ARHGAP22: variants seen among roughly 807,000 people sequenced by gnomAD.
The protein encoded by ARHGAP22 is rho GTPase-activating protein 22.
ARHGAP22 carries 48 observed loss-of-function variants against 59.1 expected under a neutral mutation model. The ratio of observed to expected loss-of-function variants is 0.81; its 90% CI spans 0.64 to 1.03. The LOEUF is 1.03. ARHGAP22 is among the 50% of genes least tolerant of loss of function. ARHGAP22 has a pLI of 0.00. For missense variants in ARHGAP22, 1,015 were observed against 958.7 expected, an observed-to-expected ratio of 1.06 and a Z score of -0.78; for synonymous variants, 445 against 416.4, an observed-to-expected ratio of 1.07 and a Z score of -0.84.
intron 1 of ARHGAP22, among the ~76,000 whole-genome samples, chr10:48,621,264 A>G (rs2061277090): frequency 6.6e-6 from 1 of 152,138 alleles, no homozygotes. Context: ...CCTTATTTTT[A>G]CATTTTTGCC....
intron 1 of ARHGAP22, among the ~76,000 whole-genome samples, chr10:48,601,960 T>G (rs2060410740): frequency 6.6e-6 from 1 of 152,304 alleles, no homozygotes; most frequent in African/African-American, 2.4e-5. Flanking sequence ...TCAGATAGTG[T>G]TGGGTTAGAG....
intron 1 of ARHGAP22, among the ~76,000 whole-genome samples, chr10:48,649,424 G>T (rs746291326): frequency 6.6e-6 from 1 of 152,222 alleles, no homozygotes. Flanking sequence ...CAGCGTGCAG[G>T]TCAGGGATTT....
intron 4 of ARHGAP22, among the ~76,000 whole-genome samples, chr10:48,463,400 C>T (rs192808906): frequency 4.2e-4 from 64 of 152,348 alleles, no homozygotes; most frequent in African/African-American, 1.4e-3. Context: ...TCTGCTAGGA[C>T]CTCAAATGAG....
At chr10:48,593,309 A>G (rs1005679320) in intron 1 of ARHGAP22, among the ~76,000 whole-genome samples, 3 of 152,244 alleles carry the variant, frequency 2.0e-5, no homozygotes, top group African/African-American at 7.2e-5. Context: ...GTTGCAGAAC[A>G]ATTTACAAAA....
At chr10:48,485,484 G>A (rs1414818497) in intron 3 of ARHGAP22, among the ~76,000 whole-genome samples, 1 of 152,138 alleles carries the variant, frequency 6.6e-6, no homozygotes, top group Non-Finnish European at 1.5e-5. Context: ...GTGGTTGGGT[G>A]GAGTGTCCTA....
chr10:48,498,812 C>T (rs1375482621), intron 3 of ARHGAP22, among the ~76,000 whole-genome samples: 1 of 152,156 alleles, frequency 6.6e-6, no homozygotes, highest in East Asian at 1.9e-4. Flanking sequence ...GATGGAATGA[C>T]AGGCAGCCAT....
chr10:48,588,756 C>A (rs1431285484), intron 1 of ARHGAP22, among the ~76,000 whole-genome samples: 6 of 152,210 alleles, frequency 3.9e-5, no homozygotes, highest in African/African-American at 1.4e-4. Flanking sequence ...CCTGTGGGGT[C>A]CCGCAGTCTG....
chr10:48,431,090 T>G, the ARHGAP22 span: 3 of 715,076 alleles, frequency 4.2e-6, no homozygotes. Context: ...GGACACTGTT[T>G]GAAGTACTTC....
At chr10:48,607,870 C>G (rs1425949976), upstream of ARHGAP22, among the ~76,000 whole-genome samples, 3 of 152,224 alleles carry the variant, frequency 2.0e-5, no homozygotes, top group Non-Finnish European at 2.9e-5. Context: ...ACTGAATGGA[C>G]AGAAGTCTCC....
At chr10:48,607,678 C>G (rs1394928516), upstream of ARHGAP22, among the ~76,000 whole-genome samples, 1 of 152,312 alleles carries the variant, frequency 6.6e-6, no homozygotes, top group East Asian at 1.9e-4. Context: ...ACACCCAGAC[C>G]AAGGAGTGGG....
chr10:48,488,581 A>G (rs1334467625), intron 3 of ARHGAP22, among the ~76,000 whole-genome samples: 1 of 152,232 alleles, frequency 6.6e-6, no homozygotes, highest in Non-Finnish European at 1.5e-5. Flanking sequence ...GTGGAACCAG[A>G]GTACTCAGTA....
chr10:48,482,481 A>G (rs2049421922), intron 3 of ARHGAP22, among the ~76,000 whole-genome samples: 8 of 152,210 alleles, frequency 5.3e-5, no homozygotes, highest in Admixed American at 5.2e-4. Context: ...CAGAGCCTCA[A>G]ATACCATGTT....
chr10:48,587,690 T>C (rs1431606631), intron 1 of ARHGAP22, among the ~76,000 whole-genome samples: 1 of 152,212 alleles, frequency 6.6e-6, no homozygotes, highest in South Asian at 2.1e-4. Context: ...TTGGGGTCTT[T>C]AGTGGGGACT....
intron 1 of ARHGAP22, among the ~76,000 whole-genome samples, chr10:48,631,386 C>T (rs748687888): frequency 5.9e-5 from 9 of 152,142 alleles, no homozygotes; most frequent in Non-Finnish European, 1.3e-4. Context: ...TATCTAATTT[C>T]TTCCTTAAGT....
chr10:48,556,306 G>T (rs2135334090), intron 2 of ARHGAP22, among the ~76,000 whole-genome samples: 1 of 152,310 alleles, frequency 6.6e-6, no homozygotes, highest in Non-Finnish European at 1.5e-5. Context: ...GGAGGGTCGA[G>T]ATGCCAGATT....
intron 2 of ARHGAP22, chr10:48,575,447 G>T (rs1306916965): frequency 6.6e-6 from 1 of 152,200 alleles, no homozygotes; most frequent in Non-Finnish European, 1.5e-5. Flanking sequence ...TATGGGATAG[G>T]ATGGCCTCTC....
At chr10:48,599,722 C>T (rs1426412810) in intron 1 of ARHGAP22, among the ~76,000 whole-genome samples, 1 of 152,226 alleles carries the variant, frequency 6.6e-6, no homozygotes, top group African/African-American at 2.4e-5. Context: ...AGTTCCCCCT[C>T]CCCTTTCCCA....
chr10:48,636,518 A>G (rs1345879704), intron 1 of ARHGAP22, among the ~76,000 whole-genome samples: 2 of 152,114 alleles, frequency 1.3e-5, no homozygotes, highest in African/African-American at 4.8e-5. Flanking sequence ...CCCTGAATCC[A>G]TGGGTTGCAT....
intron 1 of ARHGAP22, among the ~76,000 whole-genome samples, chr10:48,599,401 C>T (rs1334421830): frequency 1.3e-5 from 2 of 152,214 alleles, no homozygotes; most frequent in African/African-American, 2.4e-5. Flanking sequence ...ATGAGCTCAA[C>T]AGTCATTAGT....
Sources: allele counts gnomAD v4.1 joint callset (sites outside exome capture counted in the v4.1 genomes callset), GRCh38; gene constraint gnomAD v4.1.1; transcripts MANE v1.5; gene names NCBI Gene and HGNC (gene_info 2026-07-23, HGNC 2026-07-21).